CCDC148: variants seen among roughly 807,000 people sequenced by gnomAD.
CCDC148 encodes coiled-coil domain-containing protein 148.
Under a neutral mutation model 85.7 loss-of-function variants are expected in CCDC148, and 89 were observed. That is an observed-to-expected ratio of 1.04 (90% CI 0.87 to 1.24). The LOEUF is 1.24. CCDC148 is among the 50% of genes most tolerant of loss of function. CCDC148 has a pLI of 0.00. For synonymous variants in CCDC148, 230 were observed against 213.9 expected, an observed-to-expected ratio of 1.08 and a Z score of -0.66; for missense variants, 692 against 671.7, an observed-to-expected ratio of 1.03 and a Z score of -0.33.
intron 11 of CCDC148, among the ~76,000 whole-genome samples, chr2:158,211,569 A>C (rs1189369728): frequency 2.0e-5 from 3 of 152,262 alleles, no homozygotes; most frequent in Non-Finnish European, 4.4e-5. Flanking sequence ...ACGAAAATCC[A>C]GTAACTCTTT....
chr2:158,394,803 C>T lies in CCDC148; in HGVS notation c.26-36233G>A, dbSNP rs543826955. ...CACAGGCAGTAAAACTTGCCCACCT[C>T]ATTCTGACTACACCCTGACAACTAA... is the stretch of plus-strand genomic sequence containing the variant. On this transcript the variant is annotated intron_variant, in intron 1 of 13. Transcript: ENST00000283233. 2.6e-5 allele frequency among the ~76,000 whole-genome samples: 4 copies of T among 152,134 alleles called. No homozygotes were observed. The South Asian group carries it at 8.3e-4, about 32-fold the overall frequency.
At chr2:158,191,303 G>A (rs1051844137) in intron 11 of CCDC148, among the ~76,000 whole-genome samples, 9 of 151,968 alleles carry the variant, frequency 5.9e-5, no homozygotes, top group African/African-American at 2.2e-4. Context: ...CAGAACTTCT[G>A]TAGAAAGCAA....
chr2:158,436,053 C>T (rs1414628057), intron 1 of CCDC148, among the ~76,000 whole-genome samples: 2 of 152,152 alleles, frequency 1.3e-5, no homozygotes, highest in Non-Finnish European at 2.9e-5. Context: ...CCACTGTCAA[C>T]ATCAGACAGA....
intron 1 of CCDC148, among the ~76,000 whole-genome samples, chr2:158,398,598 C>T (rs1289453824): frequency 6.6e-6 from 1 of 151,934 alleles, no homozygotes; most frequent in East Asian, 1.9e-4. Flanking sequence ...AGGCATAACA[C>T]ACTACCACCT....
At chr2:158,181,737 T>C (rs1684913620) in intron 11 of CCDC148, among the ~76,000 whole-genome samples, 1 of 151,998 alleles carries the variant, frequency 6.6e-6, no homozygotes, top group South Asian at 2.1e-4. Context: ...ACATTCAGAA[T>C]AACCAAAAAT....
intron 11 of CCDC148, among the ~76,000 whole-genome samples, chr2:158,208,705 A>G (rs187223961): frequency 1.6e-4 from 24 of 152,320 alleles, no homozygotes; most frequent in Middle Eastern, 3.4e-3. Flanking sequence ...ACTCTTTTCT[A>G]TCTTCCCAGA....
At chr2:158,435,681 CAAATTGGATA>C (rs1471138252) in intron 1 of CCDC148, among the ~76,000 whole-genome samples, 45 of 152,216 alleles carry the variant, frequency 3.0e-4, no homozygotes, top group Non-Finnish European at 2.5e-4. Context: ...CACAGACTGG[CAAATTGGATA>C]AAGAGTCAAG....
At chr2:158,276,038 T>G (rs1258204841) in intron 9 of CCDC148, among the ~76,000 whole-genome samples, 1 of 151,672 alleles carries the variant, frequency 6.6e-6, no homozygotes, top group African/African-American at 2.4e-5. Flanking sequence ...AGGATTAACA[T>G]GTAAAATGGT....
intron 1 of CCDC148, among the ~76,000 whole-genome samples, chr2:158,453,088 GAACTA>G (rs1322720371): frequency 6.6e-6 from 1 of 152,120 alleles, no homozygotes; most frequent in Non-Finnish European, 1.5e-5. Flanking sequence ...GTTCTTCCAA[GAACTA>G]AACAAAGGAC....
intron 1 of CCDC148, among the ~76,000 whole-genome samples, chr2:158,395,143 A>T (rs2105300450): frequency 6.6e-6 from 1 of 152,250 alleles, no homozygotes; most frequent in South Asian, 2.1e-4. Context: ...ATATAATAGG[A>T]TAAAAAACAC....
At chr2:158,212,201 C>G (rs952210036) in intron 11 of CCDC148, among the ~76,000 whole-genome samples, 42 of 152,180 alleles carry the variant, frequency 2.8e-4, no homozygotes, top group African/African-American at 8.9e-4. Context: ...GGCACATCCA[C>G]TTGGAATGGG....
chr2:158,354,444 A>G (rs1683509552), intron 2 of CCDC148, among the ~76,000 whole-genome samples: 1 of 151,812 alleles, frequency 6.6e-6, no homozygotes, highest in African/African-American at 2.4e-5. Flanking sequence ...AGAATACTAC[A>G]AACACCTCTA....
chr2:158,388,581 A>G (rs981892367), intron 1 of CCDC148, among the ~76,000 whole-genome samples: 10 of 151,568 alleles, frequency 6.6e-5, no homozygotes, highest in Non-Finnish European at 1.3e-4. Context: ...TGCAACCTCC[A>G]CCTCCTGAGT....
chr2:158,369,059 C>T (rs1684320918), intron 1 of CCDC148, among the ~76,000 whole-genome samples: 1 of 152,042 alleles, frequency 6.6e-6, no homozygotes, highest in Non-Finnish European at 1.5e-5. Flanking sequence ...TCAATCACCC[C>T]ATGACGGTGA....
chr2:158,291,446 T>A (rs1042171038), intron 9 of CCDC148, among the ~76,000 whole-genome samples: 8 of 152,152 alleles, frequency 5.3e-5, no homozygotes, highest in African/African-American at 1.4e-4. Flanking sequence ...ACTGAACTGC[T>A]TTTGCATCCT....
At chr2:158,286,479 T>C (rs1690631077) in intron 9 of CCDC148, among the ~76,000 whole-genome samples, 1 of 152,220 alleles carries the variant, frequency 6.6e-6, no homozygotes, top group Non-Finnish European at 1.5e-5. Context: ...CAACCCTCAA[T>C]AGGACTTCTT....
chr2:158,350,732 T>C (rs1683220707), intron 2 of CCDC148, among the ~76,000 whole-genome samples: 1 of 152,196 alleles, frequency 6.6e-6, no homozygotes, highest in South Asian at 2.1e-4. Flanking sequence ...TTTTACCTAG[T>C]TAATTCTTTT....
chr2:158,179,997 G>A (rs1684812585), intron 11 of CCDC148, among the ~76,000 whole-genome samples: 1 of 152,106 alleles, frequency 6.6e-6, no homozygotes, highest in Non-Finnish European at 1.5e-5. Context: ...AGCCTCCCTT[G>A]CCATCTCCTT....
At chr2:158,310,402 A>G (rs1691920392) in intron 8 of CCDC148, among the ~76,000 whole-genome samples, 1 of 152,208 alleles carries the variant, frequency 6.6e-6, no homozygotes, top group African/African-American at 2.4e-5. Context: ...CAAAACTGCC[A>G]TCCTCATCAT....
Sources: allele counts gnomAD v4.1 joint callset (sites outside exome capture counted in the v4.1 genomes callset), GRCh38; gene constraint gnomAD v4.1.1; transcripts MANE v1.5; gene names NCBI Gene and HGNC (gene_info 2026-07-23, HGNC 2026-07-21).